The following SMURF2 variants were observed in gnomAD, a reference collection of about 807,000 sequenced individuals.
The protein encoded by SMURF2 is E3 ubiquitin-protein ligase SMURF2.
A neutral mutation model predicts 109.6 loss-of-function variants in SMURF2; 48 were observed. The ratio of observed to expected loss-of-function variants is 0.44; its 90% CI spans 0.35 to 0.56. SMURF2 has a LOEUF of 0.56. SMURF2 is among the 20% of genes least tolerant of loss of function. SMURF2 has a pLI of 0.01. For synonymous variants in SMURF2, 288 were observed against 317.1 expected, an observed-to-expected ratio of 0.91 and a Z score of 0.97; for missense variants, 575 against 909.0, an observed-to-expected ratio of 0.63 and a Z score of 4.72.
intron 2 of SMURF2, among the ~76,000 whole-genome samples, chr17:64,603,926 G>A (rs782127792): frequency 8.6e-5 from 13 of 151,988 alleles, no homozygotes; most frequent in East Asian, 7.7e-4. Context: ...CCCTATAGTC[G>A]TACTTTGTAT....
At chr17:64,572,047 G>C (rs1969406114) in intron 9 of SMURF2, 91 bp from the exon 10 acceptor site, 49 of 1,063,416 alleles carry the variant, frequency 4.6e-5, no homozygotes, top group Non-Finnish European at 6.3e-5. Context: ...TCCACAAAGT[G>C]TGAGAAAATG....
At chr17:64,619,478 CAAAAAAAA>C in intron 1 of SMURF2, among the ~76,000 whole-genome samples, 1 of 34,914 alleles carries the variant, frequency 2.9e-5, no homozygotes, top group Non-Finnish European at 5.7e-5. Flanking sequence ...ACTCTTGTCT[CAAAAAAAA>C]AAAAAAAAAA....
intron 7 of SMURF2, 25 bp downstream of exon 7, chr17:64,583,436 T>C (rs782141540): frequency 6.3e-7 from 1 of 1,583,694 alleles, no homozygotes; most frequent in Non-Finnish European, 8.7e-7. Context: ...GCATAGATCA[T>C]GAGAAAATAT....
chr17:64,608,973 C>T (rs1970007762), intron 1 of SMURF2, among the ~76,000 whole-genome samples: 1 of 152,092 alleles, frequency 6.6e-6, no homozygotes, highest in Non-Finnish European at 1.5e-5. Flanking sequence ...AATAAATGTG[C>T]AAAAATCACA....
chr17:64,655,260 T>C (rs1265189322), intron 1 of SMURF2, among the ~76,000 whole-genome samples: 1 of 138,508 alleles, frequency 7.2e-6, no homozygotes, highest in African/African-American at 2.7e-5. Flanking sequence ...GTCTTTTTTT[T>C]TTTTTTTTTT....
intron 1 of SMURF2, among the ~76,000 whole-genome samples, chr17:64,649,438 T>C (rs1448662362): frequency 6.6e-6 from 1 of 152,200 alleles, no homozygotes. Flanking sequence ...AGCCATCTTC[T>C]ACTTCTTACC....
Position 64,661,993 on chromosome 17 carries a change from G to T in SMURF2, c.-113C>A, listed in dbSNP as rs1034111047. 1.7e-5 allele frequency: 19 copies of T among 1,105,226 alleles called. No homozygotes were observed. Among genetic ancestry groups the T allele is most frequent in the Non-Finnish European group, 2.0e-5 (18 of 907,738 alleles). The allele number at this position is 1,105,226 out of a possible 1,614,324, so 68.5% of individuals were successfully genotyped here. ...GGCCCGAGCAGCCGGCGCCTCGGCCGCCACGGCCGGAGGGTCCCGGATGTG... is the reference window on the plus strand; with the variant it reads ...GGCCCGAGCAGCCGGCGCCTCGGCCTCCACGGCCGGAGGGTCCCGGATGTG... On this transcript the variant is annotated 5_prime_UTR_variant, in exon 1 of 19. Transcript: ENST00000262435.
chr17:64,543,175 T>G lies in SMURF2; in HGVS notation c.*2673A>C, dbSNP rs1555682762. The G allele has an allele frequency of 6.6e-6, 1 of 152,216 alleles. No individual in the cohort carries two copies. Among genetic ancestry groups the G allele is most frequent in the Non-Finnish European group, 1.5e-5 (1 of 68,034 alleles). 9.4% of individuals were successfully genotyped at this position (152,216 alleles called of 1,614,324 possible). On this transcript the variant is annotated 3_prime_UTR_variant, in exon 19 of 19. Coordinates refer to ENST00000262435, the MANE Select transcript of SMURF2 (RefSeq NM_022739.4). ...TTGGGGGTTTTTGCTTAGCACCTAT[T>G]TGGAAGTAATCGGGTAATGTAACTT...
At chr17:64,550,633 AG>A (rs1298038171) in intron 16 of SMURF2, among the ~76,000 whole-genome samples, 1 of 152,004 alleles carries the variant, frequency 6.6e-6, no homozygotes, top group Non-Finnish European at 1.5e-5. Context: ...TACAAAAATT[AG>A]CTGGACGTGG....
chr17:64,633,652 G>A (rs78405794), intron 1 of SMURF2, among the ~76,000 whole-genome samples: 7,636 of 152,106 alleles, frequency 0.05, 315 homozygotes, highest in Admixed American at 0.14. Context: ...TACAACTTCA[G>A]TTGATTAGAG....
intron 9 of SMURF2, chr17:64,572,685 T>C (rs1014664399): frequency 2.0e-5 from 3 of 152,218 alleles, no homozygotes; most frequent in Admixed American, 6.5e-5. Flanking sequence ...AGCTTCCAGG[T>C]TGGTGAACAC....
chr17:64,589,624 C>T (rs1241003899), intron 5 of SMURF2, among the ~76,000 whole-genome samples: 2 of 151,678 alleles, frequency 1.3e-5, no homozygotes, highest in Non-Finnish European at 2.9e-5. Context: ...CATAGGAGCA[C>T]GAACCCTATT....
chr17:64,605,870 G>C (rs531150890), intron 2 of SMURF2, among the ~76,000 whole-genome samples: 1 of 147,080 alleles, frequency 6.8e-6, no homozygotes, highest in Admixed American at 6.9e-5. Flanking sequence ...AAAATTTAAT[G>C]AATCATCTCT....
intron 12 of SMURF2, among the ~76,000 whole-genome samples, chr17:64,558,006 G>A (rs994327861): frequency 1.1e-4 from 17 of 152,240 alleles, no homozygotes; most frequent in South Asian, 6.2e-4. Context: ...AGCTACTCAC[G>A]AGATGATACG....
At position 64,621,903 on chromosome 17, in the gene SMURF2, A is replaced by AAATAAATAATAAT. The variant is rs1555690664; in HGVS notation, c.53-15264_53-15263insATTATTATTTATT. Among the ~76,000 whole-genome samples the AAATAAATAATAAT allele has an allele frequency of 2.9e-4, 41 of 141,818 alleles. No individual in the cohort carries two copies. The Admixed American group carries it at 3.0e-3, about 10-fold the overall frequency. 93.0% of individuals were successfully genotyped at this position (141,818 alleles called of 152,430 possible). A position where few individuals can be genotyped will look rare whatever the true frequency, so the allele number is the denominator to read the frequency against. ...AAAATAAATAAATAAATAAATAAAT[A>AAATAAATAATAAT]AATAATAATAATAATAATAATAAAA... On this transcript the variant is annotated intron_variant, in intron 1 of 18. Transcript: ENST00000262435.
intron 1 of SMURF2, among the ~76,000 whole-genome samples, chr17:64,652,623 G>A (rs1970655024): frequency 6.6e-6 from 1 of 152,194 alleles, no homozygotes; most frequent in South Asian, 2.1e-4. Context: ...GAGTAGCTGG[G>A]ATGACAGGCA....
In SMURF2 at chr17:64,591,089, A is replaced by G. The variant is rs1555687676; in HGVS notation, c.395T>C (p.Ile132Thr). 6.2e-7 allele frequency: 1 copy of G among 1,611,948 alleles called. No homozygotes were observed. The highest frequency in any genetic ancestry group is 8.5e-7 in the Non-Finnish European group (1 of 1,178,822). Residue 132 changes from isoleucine to threonine, a missense_variant, in exon 5 of 19, where the codon ATA becomes ACA. By Grantham distance (89) the Ile-to-Thr change is moderately conservative. Around this residue, in one of 5 missense-constraint regions of SMURF2, gnomAD observed 151 missense variants for 178.4 expected, o/e 0.85. Coordinates refer to ENST00000262435, the MANE Select transcript of SMURF2 (RefSeq NM_022739.4). ...PNDNDTVRGQIVVSLQSRDRI... is the reference protein window; with the variant it reads ...PNDNDTVRGQTVVSLQSRDRI... ...ACTTTAAATTCCACACTTACCTACTATCTGTCCTCTAACTGTATCATTGTC... is the reference window on the plus strand; with the variant it reads ...ACTTTAAATTCCACACTTACCTACTGTCTGTCCTCTAACTGTATCATTGTC...
chr17:64,640,958 C>G (rs1178066217), intron 1 of SMURF2, among the ~76,000 whole-genome samples: 1 of 151,028 alleles, frequency 6.6e-6, no homozygotes, highest in Admixed American at 6.6e-5. Flanking sequence ...AAAAACAATG[C>G]AGACCCTATA....
chr17:64,551,724 T>C lies in SMURF2; in HGVS notation c.1749-20A>G. 1 of 1,612,674 alleles carries C rather than the reference T, an allele frequency of 6.2e-7. No homozygotes were observed. Among genetic ancestry groups the C allele is most frequent in the Non-Finnish European group, 8.5e-7 (1 of 1,179,298 alleles). On this transcript the variant is annotated intron_variant, in intron 15 of 18. Transcript: ENST00000262435. ...TAGAGCCTGTAAACATTCGGCAGGA[T>C]TTCGTATAATCACATGTATTTTCAG...
Sources: gnomAD v4.1 joint callset for allele counts (sites outside exome capture counted in the v4.1 genomes callset) on GRCh38, gnomAD v4.1.1 for gene constraint, gnomAD v4.1.1 regional missense constraint, MANE v1.5 for transcripts, NCBI Gene and HGNC (gene_info 2026-07-23, HGNC 2026-07-21) for gene names.